KCNT2: variants seen among roughly 807,000 people sequenced by gnomAD.
KCNT2 encodes potassium sodium-activated channel subfamily T member 2.
Under a neutral mutation model 153.8 loss-of-function variants are expected in KCNT2, and 67 were observed. The observed-to-expected ratio is 0.44, with a 90% CI of 0.36 to 0.53. KCNT2 has a LOEUF of 0.53. KCNT2 is among the 20% of genes least tolerant of loss of function. The pLI is 0.00. For missense variants in KCNT2, 975 were observed against 1,354.8 expected (o/e 0.72, Z 4.40); for synonymous variants, 500 against 458.8 (o/e 1.09, Z -1.15).
At chr1:196,538,669 G>C (rs969245656) in intron 1 of KCNT2, among the ~76,000 whole-genome samples, 2 of 152,164 alleles carry the variant, frequency 1.3e-5, no homozygotes, top group African/African-American at 2.4e-5. Context: ...GTGTGGAGTT[G>C]TGTGCCTGCG....
chr1:196,562,074 C>A (rs548884957), intron 1 of KCNT2, among the ~76,000 whole-genome samples: 1 of 151,890 alleles, frequency 6.6e-6, no homozygotes, highest in Admixed American at 6.6e-5. Context: ...GAAAAAGGTG[C>A]CAGGCCCTTA....
chr1:196,334,483 C>CTTTTTTTT (rs757677685), intron 16 of KCNT2, among the ~76,000 whole-genome samples: 5 of 42,340 alleles, frequency 1.2e-4, no homozygotes, highest in Non-Finnish European at 7.8e-5. Context: ...TTCTTTCTTT[C>CTTTTTTTT]TTTCTTTTTT....
intron 1 of KCNT2, among the ~76,000 whole-genome samples, chr1:196,531,068 G>A (rs955210863): frequency 5.3e-5 from 8 of 151,982 alleles, no homozygotes; most frequent in African/African-American, 1.7e-4. Flanking sequence ...ATCACTGCCC[G>A]GAGATGAACA....
chr1:196,566,827 T>A (rs985875675), intron 1 of KCNT2, among the ~76,000 whole-genome samples: 3 of 152,226 alleles, frequency 2.0e-5, no homozygotes, highest in African/African-American at 7.2e-5. Flanking sequence ...GAGAAAAGTA[T>A]AGAAGGCATA....
chr1:196,394,430 A>G (rs1393256338), intron 13 of KCNT2, among the ~76,000 whole-genome samples: 1 of 151,612 alleles, frequency 6.6e-6, no homozygotes, highest in East Asian at 1.9e-4. Flanking sequence ...GATGCAGAGA[A>G]GGAAAGCATG....
intron 21 of KCNT2, among the ~76,000 whole-genome samples, chr1:196,309,854 A>G (rs1661993624): frequency 6.6e-6 from 1 of 151,940 alleles, no homozygotes; most frequent in Non-Finnish European, 1.5e-5. Flanking sequence ...CACTAGAAAC[A>G]TAATAGAGCA....
chr1:196,451,230 T>A (rs1676145508), intron 8 of KCNT2, among the ~76,000 whole-genome samples: 1 of 141,244 alleles, frequency 7.1e-6, no homozygotes, highest in African/African-American at 2.6e-5. Flanking sequence ...TTTTTTTTTT[T>A]TTTTTTTTTT....
At chr1:196,303,356 C>A (rs1459679396) in intron 22 of KCNT2, among the ~76,000 whole-genome samples, 1 of 152,044 alleles carries the variant, frequency 6.6e-6, no homozygotes, top group Admixed American at 6.6e-5. Context: ...TTTTATTTTT[C>A]CTTTGGATAA....
At chr1:196,563,834 A>T (rs1659748649) in intron 1 of KCNT2, among the ~76,000 whole-genome samples, 2 of 151,980 alleles carry the variant, frequency 1.3e-5, no homozygotes, top group Admixed American at 1.3e-4. Flanking sequence ...TAAAAGTATC[A>T]AGAAAGTACA....
intron 1 of KCNT2, among the ~76,000 whole-genome samples, chr1:196,546,514 T>G (rs1657126186): frequency 6.6e-6 from 1 of 152,044 alleles, no homozygotes; most frequent in South Asian, 2.1e-4. Context: ...CACCTCTGCT[T>G]ATACCCTGTG....
intron 1 of KCNT2, among the ~76,000 whole-genome samples, chr1:196,503,547 C>A (rs759322490): frequency 2.6e-5 from 4 of 152,026 alleles, no homozygotes; most frequent in African/African-American, 9.7e-5. Flanking sequence ...TTTCACTAGT[C>A]ATTGTAAAAT....
At chr1:196,419,975 C>T (rs1054452039) in intron 12 of KCNT2, among the ~76,000 whole-genome samples, 1 of 151,950 alleles carries the variant, frequency 6.6e-6, no homozygotes, top group Non-Finnish European at 1.5e-5. Flanking sequence ...ATATTCTACC[C>T]TAGTGTTTTA....
At chr1:196,483,156 T>TA (rs1298599266) in intron 3 of KCNT2, among the ~76,000 whole-genome samples, 1 of 152,210 alleles carries the variant, frequency 6.6e-6, no homozygotes, top group Non-Finnish European at 1.5e-5. Context: ...CGCATTTAAG[T>TA]AAACGGTGCC....
chr1:196,428,032 C>A, intron 10 of KCNT2, 73 bp downstream of exon 10: 1 of 1,140,350 alleles, frequency 8.8e-7, no homozygotes, highest in South Asian at 1.4e-5. Flanking sequence ...CAGGCTGCAC[C>A]ATCAGTTAAT....
At chr1:196,439,532 T>C (rs906150426) in intron 8 of KCNT2, among the ~76,000 whole-genome samples, 2 of 151,976 alleles carry the variant, frequency 1.3e-5, no homozygotes, top group African/African-American at 4.8e-5. Flanking sequence ...CAAATAGTTA[T>C]TGATTTTCCA....
intron 8 of KCNT2, among the ~76,000 whole-genome samples, chr1:196,450,244 A>G (rs1026931142): frequency 5.9e-5 from 9 of 151,660 alleles, no homozygotes; most frequent in Admixed American, 6.6e-5. Flanking sequence ...CTGCCCGGTA[A>G]AGGTTTTTGT....
At chr1:196,396,031 C>G (rs1378626149) in intron 13 of KCNT2, among the ~76,000 whole-genome samples, 2 of 151,602 alleles carry the variant, frequency 1.3e-5, no homozygotes, top group Admixed American at 6.6e-5. Context: ...CTAGTAACCT[C>G]CAAACTTCAG....
intron 5 of KCNT2, 123 bp from the exon 6 acceptor site, chr1:196,469,191 TTA>T: frequency 1.7e-6 from 1 of 604,986 alleles, no homozygotes; most frequent in South Asian, 2.2e-5. Context: ...ATACTGAATA[TTA>T]TATAGAGATG....
intron 5 of KCNT2, among the ~76,000 whole-genome samples, chr1:196,476,663 T>A (rs896135234): frequency 8.5e-5 from 13 of 152,172 alleles, no homozygotes; most frequent in Non-Finnish European, 1.6e-4. Context: ...AATGGAGACT[T>A]TCCAAAACTA....
Sources: gnomAD v4.1 joint callset for allele counts (sites outside exome capture counted in the v4.1 genomes callset) on GRCh38, gnomAD v4.1.1 for gene constraint, MANE v1.5 for transcripts, NCBI Gene and HGNC (gene_info 2026-07-23, HGNC 2026-07-21) for gene names.